FZD6: variants seen among roughly 807,000 people sequenced by gnomAD.
FZD6 encodes the protein frizzled-6.
A neutral mutation model predicts 61.4 loss-of-function variants in FZD6; 49 were observed. The ratio of observed to expected loss-of-function variants is 0.80; its 90% CI spans 0.63 to 1.01. The LOEUF (loss-of-function observed/expected upper bound fraction) is 1.01, where lower values mean the gene tolerates loss of function less well. FZD6 is among the 50% of genes least tolerant of loss of function. FZD6 has a pLI of 0.00. For synonymous variants in FZD6, 265 were observed against 292.2 expected, an observed-to-expected ratio of 0.91 and a Z score of 0.95; for missense variants, 724 against 848.2, an observed-to-expected ratio of 0.85 and a Z score of 1.82.
rs773811711 is a variant in FZD6, at chr8:103,325,296, G to A, written c.1190G>A (p.Arg397Gln). Residue 397 changes from arginine to glutamine, a missense_variant, in exon 4 of 7, where the codon CGA becomes CAA. Arg to Gln is a conservative substitution (Grantham distance 43). Transcript: ENST00000358755. The part of the protein sequence containing the change: ...LAGIISLNHV[R>Q]QVIQHDGRNQ... ...GGCATTATTTCCTTAAATCATGTTCGACAAGTCATACAACATGATGGCCGG... is the reference window on the plus strand; with the variant it reads ...GGCATTATTTCCTTAAATCATGTTCAACAAGTCATACAACATGATGGCCGG... 13 of 1,613,750 alleles carry A rather than the reference G, an allele frequency of 8.1e-6. No homozygotes were observed. Among genetic ancestry groups the A allele is most frequent in the South Asian group, 2.2e-5 (2 of 91,062 alleles).
At chr8:103,305,274 C>A (rs1814297881) in intron 2 of FZD6, among the ~76,000 whole-genome samples, 1 of 152,150 alleles carries the variant, frequency 6.6e-6, no homozygotes, top group Admixed American at 6.5e-5. Context: ...GTGTTTGGAG[C>A]AGCAAGTGGT....
At position 103,329,961 on chromosome 8, in the gene FZD6, T is replaced by C. The variant is rs761451820; in HGVS notation, c.1848T>C (p.Gly616=). ...CCAGGTTAAGAGAACAGGACTGTGG[T>C]GAACCTGCCTCGCCAGCAGCATCCA... ...STPRLREQDC[G]EPASPAASIS... The change falls in exon 6 of 7, where the codon GGT becomes GGC. Residue 616 remains glycine, a synonymous_variant. Coordinates refer to ENST00000358755, the MANE Select transcript of FZD6 (RefSeq NM_003506.4). 1 of 1,614,098 alleles carries C rather than the reference T, an allele frequency of 6.2e-7. No individual in the cohort carries two copies. Among genetic ancestry groups the C allele is most frequent in the Non-Finnish European group, 8.5e-7 (1 of 1,179,946 alleles).
At chr8:103,328,659 T>G (rs1452623834) in intron 5 of FZD6, among the ~76,000 whole-genome samples, 2 of 151,998 alleles carry the variant, frequency 1.3e-5, no homozygotes, top group African/African-American at 4.8e-5. Flanking sequence ...CTATTCTATT[T>G]GAAATATGAA....
intron 2 of FZD6, among the ~76,000 whole-genome samples, chr8:103,303,821 G>T (rs1356189430): frequency 6.6e-6 from 1 of 152,040 alleles, no homozygotes; most frequent in African/African-American, 2.4e-5. Context: ...ATATTCATTA[G>T]AATTTGCTTA....
chr8:103,329,432 T>TA (rs1815056388), intron 5 of FZD6, among the ~76,000 whole-genome samples: 2 of 152,124 alleles, frequency 1.3e-5, no homozygotes, highest in South Asian at 4.1e-4. Flanking sequence ...GCCAGTTTAC[T>TA]ATTTATACTG....
At chr8:103,325,532 A>G (rs1313178125) in intron 4 of FZD6, 34 bp downstream of exon 4, 2 of 1,456,986 alleles carry the variant, frequency 1.4e-6, no homozygotes, top group African/African-American at 1.4e-5. Flanking sequence ...GTCTCTATTT[A>G]CATTTAATGT....
In FZD6 at chr8:103,325,126, T is replaced by TA; in HGVS notation, c.1021dup (p.Met341AsnfsTer9). 1 of 1,614,198 alleles carries TA rather than the reference T, an allele frequency of 6.2e-7. No individual in the cohort carries two copies. Among genetic ancestry groups the TA allele is most frequent in the Non-Finnish European group, 8.5e-7 (1 of 1,180,018 alleles). ...GGGGAACACCAGGTTTCCTGACTGTTATGCTTCTTGCTATGAACAAAGTTG... is the reference window on the plus strand; with the variant it reads ...GGGGAACACCAGGTTTCCTGACTGTTAATGCTTCTTGCTATGAACAAAGTTG... On this transcript the variant is annotated frameshift_variant, in exon 4 of 7. Coordinates refer to ENST00000358755, the MANE Select transcript of FZD6 (RefSeq NM_003506.4). LOFTEE classifies it high-confidence loss of function.
chr8:103,324,104 A>G (rs1220147052), intron 3 of FZD6, among the ~76,000 whole-genome samples: 3 of 152,242 alleles, frequency 2.0e-5, no homozygotes, highest in Non-Finnish European at 2.9e-5. Flanking sequence ...GACATATTTC[A>G]TATGCTATAA....
chr8:103,311,664 A>C (rs1158643149), intron 2 of FZD6, among the ~76,000 whole-genome samples: 3 of 141,250 alleles, frequency 2.1e-5, no homozygotes, highest in Non-Finnish European at 3.0e-5. Flanking sequence ...TGGGCCACAG[A>C]GTGAGAACCT....
intron 4 of FZD6, among the ~76,000 whole-genome samples, chr8:103,326,119 T>C (rs1007657793): frequency 6.6e-5 from 10 of 152,166 alleles, no homozygotes; most frequent in African/African-American, 1.9e-4. Flanking sequence ...GTTTTGTAAA[T>C]AGAAATTTGG....
At chr8:103,329,015 A>ATATG (rs1815045100) in intron 5 of FZD6, among the ~76,000 whole-genome samples, 1 of 137,582 alleles carries the variant, frequency 7.3e-6, no homozygotes, top group Non-Finnish European at 1.5e-5. Flanking sequence ...TTTTAGTTTT[A>ATATG]TATATATATA....
intron 4 of FZD6, among the ~76,000 whole-genome samples, chr8:103,327,640 A>C (rs1586528402): frequency 6.6e-6 from 1 of 152,078 alleles, no homozygotes; most frequent in African/African-American, 2.4e-5. Context: ...AAAGAGCTCT[A>C]TTTGTATTGA....
chr8:103,301,648 C>T (rs1814174767), intron 2 of FZD6, among the ~76,000 whole-genome samples: 3 of 151,994 alleles, frequency 2.0e-5, no homozygotes, highest in African/African-American at 4.8e-5. Flanking sequence ...TCAAGTGATC[C>T]GTCCTGCCTC....
intron 2 of FZD6, among the ~76,000 whole-genome samples, chr8:103,303,679 G>A (rs1041734079): frequency 6.6e-5 from 10 of 152,176 alleles, no homozygotes; most frequent in South Asian, 4.1e-4. Flanking sequence ...ATCATCTACA[G>A]TGTCCAAGTC....
At chr8:103,316,909 C>T (rs1420289296) in intron 2 of FZD6, among the ~76,000 whole-genome samples, 1 of 152,180 alleles carries the variant, frequency 6.6e-6, no homozygotes, top group Admixed American at 6.5e-5. Flanking sequence ...CTGCTTTAGG[C>T]ACTGGAGATA....
In FZD6 at chr8:103,326,089, C is replaced by A. The variant is rs545598659; in HGVS notation, c.1392+591C>A. Among the ~76,000 whole-genome samples the A allele has an allele frequency of 2.0e-5, 3 of 152,064 alleles. No individual in the cohort carries two copies. The East Asian group carries it at 5.8e-4, about 29-fold the overall frequency. ...GTAAATTTCTGAAAATATAAAATTT[C>A]TTAAAGCATTTTAGTTGAAGTTTTG... On this transcript the variant is annotated intron_variant, in intron 4 of 6. Coordinates refer to ENST00000358755, the MANE Select transcript of FZD6 (RefSeq NM_003506.4).
At chr8:103,317,838 A>G (rs2934720) in intron 2 of FZD6, among the ~76,000 whole-genome samples, 13 of 76,048 alleles carry the variant, frequency 1.7e-4, no homozygotes, top group Admixed American at 2.4e-4. Context: ...AAAAAAAAAA[A>G]AAAGAAAGAA....
At chr8:103,302,243 C>A (rs1195829561) in intron 2 of FZD6, among the ~76,000 whole-genome samples, 1 of 152,088 alleles carries the variant, frequency 6.6e-6, no homozygotes, top group Non-Finnish European at 1.5e-5. Flanking sequence ...TTCCTACTGC[C>A]CCTTTCCTAT....
Position 103,331,563 on chromosome 8 carries a change from C to T in FZD6, c.*54C>T, listed in dbSNP as rs1459849574. 2.6e-6 allele frequency: 3 copies of T among 1,155,830 alleles called. No homozygotes were observed. Among genetic ancestry groups the T allele is most frequent in the Non-Finnish European group, 3.9e-6 (3 of 768,174 alleles). 71.6% of individuals were successfully genotyped at this position (1,155,830 alleles called of 1,614,324 possible). On this transcript the variant is annotated 3_prime_UTR_variant, in exon 7 of 7. Coordinates refer to ENST00000358755, the MANE Select transcript of FZD6 (RefSeq NM_003506.4). ...AAATTTGTGTTACACTGGAAGTGAC[C>T]TATGCACTGTTTTGTAAGAATCACT...
Sources: allele counts gnomAD v4.1 joint callset (sites outside exome capture counted in the v4.1 genomes callset), GRCh38; gene constraint gnomAD v4.1.1; transcripts MANE v1.5; gene names NCBI Gene and HGNC (gene_info 2026-07-23, HGNC 2026-07-21).